The following FFAR4 variants were observed in gnomAD, a reference collection of about 807,000 sequenced individuals.
FFAR4 encodes the protein G-protein coupled receptor 120.
In FFAR4, 19 loss-of-function variants were observed where a neutral mutation model predicts 27.0. The ratio of observed to expected loss-of-function variants is 0.70; its 90% CI spans 0.49 to 1.03. The LOEUF is 1.03. Ranked by LOEUF, FFAR4 falls within the 50% of genes least tolerant of loss-of-function variation. The pLI is 0.00. For synonymous variants in FFAR4, 254 were observed against 215.6 expected (o/e 1.18, Z -1.56); for missense variants, 476 against 479.0 (o/e 0.99, Z 0.06).
chr10:93,576,349 T>A (rs1350825824), intron 2 of FFAR4, 130 bp downstream of exon 2: 1 of 843,446 alleles, frequency 1.2e-6, no homozygotes, highest in Non-Finnish European at 1.9e-6. Flanking sequence ...ACTGCCCAGG[T>A]CTACAACACT....
rs1372653045 is a variant in FFAR4 at position 93,567,042 on chromosome 10, C to T, written c.322C>T (p.Pro108Ser). 9 of 1,611,600 alleles carry T rather than the reference C, an allele frequency of 5.6e-6. No homozygotes were observed. In the Admixed American group the frequency reaches 1.5e-4, roughly 27 times the overall value. Residue 108 changes from proline (P) to serine (S), a missense_variant, in exon 1 of 3, where the codon CCC becomes TCC. By Grantham distance (74) the Pro-to-Ser change is moderately conservative. Transcript: ENST00000371481. ...CTGGACTGAGGCCTGGCTGCTGGGC[C>T]CCGTTGCCTGCCACCTGCTCTTCTA... ...VRWTEAWLLG[P>S]VACHLLFYVM... is the part of the protein sequence containing the mutation.
chr10:93,577,776 G>C (rs940396186), intron 2 of FFAR4, among the ~76,000 whole-genome samples: 2 of 152,166 alleles, frequency 1.3e-5, no homozygotes, highest in Admixed American at 1.3e-4. Context: ...CAGGCACAGG[G>C]AGGTTAAGTA....
At chr10:93,584,534 G>C (rs2058216496) in intron 2 of FFAR4, among the ~76,000 whole-genome samples, 1 of 152,100 alleles carries the variant, frequency 6.6e-6, no homozygotes, top group African/African-American at 2.4e-5. Flanking sequence ...GCACAGTGCC[G>C]GCCACACGGA....
Position 93,587,755 on chromosome 10 carries a change from G to A in FFAR4, c.*146G>A. ...ACATCCACAGCGTCGGTAAATTAAG[G>A]GGTGATCACCAAGTTTCATAATATT... is the stretch of plus-strand genomic sequence containing the variant. On this transcript the variant is annotated 3_prime_UTR_variant, in exon 3 of 3. Coordinates refer to ENST00000371481, the MANE Select transcript of FFAR4 (RefSeq NM_001195755.2). The A allele has an allele frequency of 1.3e-6, 1 of 760,600 alleles. No homozygotes were observed. The highest frequency in any genetic ancestry group is 2.5e-5 in the East Asian group (1 of 40,002). 47.1% of individuals were successfully genotyped at this position (760,600 alleles called of 1,614,324 possible).
rs766156195 is a variant in FFAR4, at chr10:93,576,320, G to A, written c.696+101G>A. The A allele has an allele frequency of 6.2e-4, 766 of 1,236,130 alleles. 1 individual carries two copies. The highest frequency in any genetic ancestry group is 8.1e-4 in the Non-Finnish European group (694 of 854,808). 76.6% of individuals were successfully genotyped at this position (1,236,130 alleles called of 1,614,324 possible). On this transcript the variant is annotated intron_variant, in intron 2 of 2. Coordinates refer to ENST00000371481, the MANE Select transcript of FFAR4 (RefSeq NM_001195755.2). ...GGTCGGAGAACACCTAAGAGTTCAC[G>A]CCAGCTCAATCTTGATTCACTGCCC...
chr10:93,579,045 G>C, intron 2 of FFAR4: 2 of 885,102 alleles, frequency 2.3e-6, no homozygotes, highest in East Asian at 2.4e-5. Context: ...AAAATTCTGA[G>C]ACCTGAGGAG....
chr10:93,584,542 G>A (rs577906234), intron 2 of FFAR4, among the ~76,000 whole-genome samples: 5 of 152,256 alleles, frequency 3.3e-5, no homozygotes, highest in African/African-American at 9.6e-5. Flanking sequence ...CCGGCCACAC[G>A]GAAGCCCTCA....
At chr10:93,572,017 A>G (rs949858563) in intron 1 of FFAR4, among the ~76,000 whole-genome samples, 5 of 152,172 alleles carry the variant, frequency 3.3e-5, no homozygotes, top group African/African-American at 1.2e-4. Context: ...CTGTGGACAG[A>G]TGTCCCCATC....
At chr10:93,578,473 C>T (rs2058179083) in intron 2 of FFAR4, among the ~76,000 whole-genome samples, 1 of 145,898 alleles carries the variant, frequency 6.9e-6, no homozygotes, top group Admixed American at 6.8e-5. Context: ...AAGACAGACA[C>T]AGAGACTTGA....
intron 2 of FFAR4, among the ~76,000 whole-genome samples, chr10:93,585,470 T>A (rs983956762): frequency 6.6e-6 from 1 of 152,246 alleles, no homozygotes; most frequent in Non-Finnish European, 1.5e-5. Flanking sequence ...ATGACACCTA[T>A]GTCTGATTTA....
chr10:93,578,948 G>T (rs79369125), intron 2 of FFAR4, among the ~76,000 whole-genome samples: 1 of 152,060 alleles, frequency 6.6e-6, no homozygotes, highest in Non-Finnish European at 1.5e-5. Flanking sequence ...CTTTTCACTC[G>T]TACCTCACGC....
intron 1 of FFAR4, among the ~76,000 whole-genome samples, chr10:93,575,013 A>G (rs2058155688): frequency 6.6e-6 from 1 of 152,218 alleles, no homozygotes; most frequent in Non-Finnish European, 1.5e-5. Flanking sequence ...CACTGCTAAA[A>G]ATTCTCTGCT....
chr10:93,578,584 C>T (rs1385336220), intron 2 of FFAR4, among the ~76,000 whole-genome samples: 1 of 152,166 alleles, frequency 6.6e-6, no homozygotes, highest in African/African-American at 2.4e-5. Flanking sequence ...TCAGTTTCCT[C>T]ATCTGCAAAA....
chr10:93,584,625 G>A (rs927946248), intron 2 of FFAR4, among the ~76,000 whole-genome samples: 1 of 152,168 alleles, frequency 6.6e-6, no homozygotes, highest in Non-Finnish European at 1.5e-5. Context: ...ACCATCAACA[G>A]GTGGACCTAA....
chr10:93,574,821 C>T (rs574628042), intron 1 of FFAR4, among the ~76,000 whole-genome samples: 1 of 151,560 alleles, frequency 6.6e-6, no homozygotes. Context: ...ATCGCTTGAA[C>T]CTGGGAGGCG....
chr10:93,587,075 A>T lies in FFAR4; in HGVS notation c.697-145A>T, dbSNP rs563460785. On this transcript the variant is annotated intron_variant, in intron 2 of 2. Transcript: ENST00000371481. ...AGCCGGGGTCCCATTTCTCCAGCAC[A>T]TCCTAAGCTCGGGCACACAAAGTCC... 4.5e-5 allele frequency: 30 copies of T among 667,858 alleles called. 1 individual carries two copies. The South Asian group carries it at 6.0e-4, about 13-fold the overall frequency. The allele number at this position is 667,858 out of a possible 1,614,324, so 41.4% of individuals were successfully genotyped here.
intron 2 of FFAR4, among the ~76,000 whole-genome samples, chr10:93,579,493 C>T (rs1400560643): frequency 2.0e-5 from 3 of 152,178 alleles, no homozygotes; most frequent in Admixed American, 6.5e-5. Context: ...AAAAGCTCTT[C>T]ACCAAAAAGT....
At chr10:93,584,843 A>T (rs2053130496) in intron 2 of FFAR4, among the ~76,000 whole-genome samples, 1 of 151,822 alleles carries the variant, frequency 6.6e-6, no homozygotes, top group South Asian at 2.1e-4. Flanking sequence ...AGTAGTTGGG[A>T]TTACAGGTGC....
chr10:93,567,940 T>C (rs769780860), intron 1 of FFAR4, among the ~76,000 whole-genome samples: 8 of 152,274 alleles, frequency 5.3e-5, no homozygotes, highest in East Asian at 1.9e-4. Flanking sequence ...AGGATTACAC[T>C]AGACCTTCGA....
Sources: gnomAD v4.1 joint callset for allele counts (sites outside exome capture counted in the v4.1 genomes callset) on GRCh38, gnomAD v4.1.1 for gene constraint, MANE v1.5 for transcripts, NCBI Gene and HGNC (gene_info 2026-07-23, HGNC 2026-07-21) for gene names.